The following WIPF2 variants were observed in gnomAD, a reference collection of about 807,000 sequenced individuals.
WIPF2 encodes the protein WAS/WASL-interacting protein family member 2.
WIPF2 carries 23 observed loss-of-function variants against 38.8 expected under a neutral mutation model. That is an observed-to-expected ratio of 0.59 (90% CI 0.43 to 0.84). The LOEUF (loss-of-function observed/expected upper bound fraction) is 0.84, where lower values mean the gene tolerates loss of function less well. Ranked by LOEUF, WIPF2 falls within the 40% of genes least tolerant of loss-of-function variation. The pLI is 0.00. For missense variants in WIPF2, 574 were observed against 580.5 expected, an observed-to-expected ratio of 0.99 and a Z score of 0.11; for synonymous variants, 210 against 223.2, an observed-to-expected ratio of 0.94 and a Z score of 0.53.
intron 1 of WIPF2, among the ~76,000 whole-genome samples, chr17:40,223,643 A>C (rs1209395269): frequency 2.3e-5 from 3 of 132,156 alleles, no homozygotes; most frequent in Non-Finnish European, 4.6e-5. Context: ...TCAGTTGCCC[A>C]GGCTGGAGTG....
chr17:40,224,062 A>G (rs551575453), intron 1 of WIPF2, among the ~76,000 whole-genome samples: 2 of 151,924 alleles, frequency 1.3e-5, no homozygotes, highest in Non-Finnish European at 2.9e-5. Flanking sequence ...AGGCTACAAA[A>G]TATATGTACT....
At position 40,273,847 on chromosome 17, in the gene WIPF2, C is replaced by A. The variant is rs369059320; in HGVS notation, c.1028C>A (p.Pro343Gln). Reference sequence around the variant, plus strand: ...GGTGCCAGGGATGCTCCCCCTCCCCCACCACCATACCGAATGCATGGGTCA... The same window carrying A: ...GGTGCCAGGGATGCTCCCCCTCCCCAACCACCATACCGAATGCATGGGTCA... ...RNGARDAPPPPPPYRMHGSEP... is the reference protein window; with the variant it reads ...RNGARDAPPPQPPYRMHGSEP... Residue 343 changes from proline (P) to glutamine (Q), a missense_variant, in exon 6 of 8, where the codon CCA becomes CAA. Coordinates refer to ENST00000323571, the MANE Select transcript of WIPF2 (RefSeq NM_133264.5). The A allele has an allele frequency of 2.5e-6, 4 of 1,586,740 alleles. No homozygotes were observed. In the African/African-American group the frequency reaches 4.1e-5, roughly 16 times the overall value.
At chr17:40,260,880 T>TGAGCCACCATGCCC in intron 3 of WIPF2, 1 of 622,556 alleles carries the variant, frequency 1.6e-6, no homozygotes, top group Non-Finnish European at 2.8e-6. Flanking sequence ...TCACCGGGCA[T>TGAGCCACCATGCCC]GGTGGCTCAT....
intron 1 of WIPF2, among the ~76,000 whole-genome samples, chr17:40,230,402 C>CT (rs145693710): frequency 3.0e-4 from 44 of 148,960 alleles, no homozygotes; most frequent in East Asian, 1.2e-3. Context: ...TAAAATAGGG[C>CT]TTTTTTTTTT....
chr17:40,246,833 C>T (rs551151242), intron 1 of WIPF2, among the ~76,000 whole-genome samples: 1 of 151,982 alleles, frequency 6.6e-6, no homozygotes, highest in South Asian at 2.1e-4. Flanking sequence ...CATTTGTTGG[C>T]CGGGCGTGGC....
At chr17:40,248,370 T>C (rs548231475) in intron 1 of WIPF2, among the ~76,000 whole-genome samples, 164 of 151,816 alleles carry the variant, frequency 1.1e-3, no homozygotes, top group Middle Eastern at 3.4e-3. Context: ...GGTTCCACCA[T>C]GTTGGCCAGG....
chr17:40,248,553 A>G (rs1483039101), intron 1 of WIPF2, among the ~76,000 whole-genome samples: 1 of 152,198 alleles, frequency 6.6e-6, no homozygotes. Flanking sequence ...CTTCTGCCTC[A>G]GTCTCTCAAA....
chr17:40,250,443 G>T (rs1353312740), intron 1 of WIPF2, among the ~76,000 whole-genome samples: 1 of 148,290 alleles, frequency 6.7e-6, no homozygotes, highest in Non-Finnish European at 1.5e-5. Flanking sequence ...TAGAGACAGG[G>T]TTTCACCGTG....
chr17:40,254,493 C>T (rs2031659600), intron 1 of WIPF2, among the ~76,000 whole-genome samples: 1 of 151,922 alleles, frequency 6.6e-6, no homozygotes, highest in Admixed American at 6.6e-5. Flanking sequence ...CTTAAAATGG[C>T]TTTGTGGGGG....
chr17:40,252,440 G>T (rs769881613), intron 1 of WIPF2, among the ~76,000 whole-genome samples: 2 of 152,218 alleles, frequency 1.3e-5, no homozygotes, highest in Non-Finnish European at 2.9e-5. Context: ...GAGGCGTGAG[G>T]ATCATTTGAG....
chr17:40,264,219 G>C (rs1367136972), intron 4 of WIPF2, among the ~76,000 whole-genome samples: 2 of 148,402 alleles, frequency 1.3e-5, no homozygotes, highest in African/African-American at 5.0e-5. Flanking sequence ...TGTAATCCCA[G>C]CTACTCGGGA....
intron 3 of WIPF2, 104 bp downstream of exon 3, chr17:40,260,771 G>T (rs2031874454): frequency 1.4e-6 from 2 of 1,463,040 alleles, no homozygotes; most frequent in Non-Finnish European, 1.9e-6. Context: ...GGAGAGTTTT[G>T]TCCTGGGATG....
intron 1 of WIPF2, among the ~76,000 whole-genome samples, chr17:40,228,820 G>A (rs750434758): frequency 2.0e-5 from 3 of 151,828 alleles, no homozygotes; most frequent in Non-Finnish European, 4.4e-5. Flanking sequence ...GTCTCACTTT[G>A]TTGCCTAGGC....
rs754011103 is a variant in WIPF2 at position 40,264,812 on chromosome 17, G to T, written c.636G>T (p.Thr212=). ...ACAGAGAGAAACCCTTGCCACCGAC[G>T]CCTGGACAAAGGCTTCACCCTGGTC... ...AYNREKPLPP[T]PGQRLHPGRE... The change falls in exon 5 of 8, where the codon ACG becomes ACT. Residue 212 remains threonine, a synonymous_variant. Transcript: ENST00000323571. The T allele has an allele frequency of 6.2e-7, 1 of 1,611,728 alleles. No homozygotes were observed. Among genetic ancestry groups the T allele is most frequent in the Non-Finnish European group, 8.5e-7 (1 of 1,179,714 alleles).
rs1421162665 is a variant in WIPF2, at chr17:40,264,521, C to T, written c.345C>T (p.Ile115=). Residue 115 remains isoleucine (I), a synonymous_variant, in exon 5 of 8, where the codon ATC becomes ATT. Transcript: ENST00000323571. ...TAGCTGGTAAGCCAGCCCTGCAAATCCCCAGTTCTCGAGCTGCTGCCCCAA... is the reference window on the plus strand; with the variant it reads ...TAGCTGGTAAGCCAGCCCTGCAAATTCCCAGTTCTCGAGCTGCTGCCCCAA... ...ENLAGKPALQ[I]PSSRAAAPRP... is the part of the protein sequence containing the mutation. 3 of 1,614,060 alleles carry T rather than the reference C, an allele frequency of 1.9e-6. No individual in the cohort carries two copies. Among genetic ancestry groups the T allele is most frequent in the East Asian group, 2.2e-5 (1 of 44,882 alleles).
At chr17:40,237,706 C>T (rs143284417) in intron 1 of WIPF2, among the ~76,000 whole-genome samples, 37 of 147,760 alleles carry the variant, frequency 2.5e-4, no homozygotes, top group African/African-American at 7.7e-4. Context: ...AGTGCAGTGG[C>T]GTGATCTCGG....
chr17:40,258,620 T>G (rs550565905), intron 2 of WIPF2, among the ~76,000 whole-genome samples: 1 of 151,518 alleles, frequency 6.6e-6, no homozygotes, highest in African/African-American at 2.4e-5. Flanking sequence ...TGTATGGTGA[T>G]GTTGGGGGTA....
Position 40,265,112 on chromosome 17 carries a change from T to A in WIPF2, c.936T>A (p.Pro312=). The A allele has an allele frequency of 6.2e-7, 1 of 1,612,426 alleles. No individual in the cohort carries two copies. The highest frequency in any genetic ancestry group is 8.5e-7 in the Non-Finnish European group (1 of 1,179,160). ...ASPSLLSNRP[P]PPARDPPSRG... is the part of the protein sequence containing the mutation. ...CATCTTTACTGAGTAATAGGCCACC[T>A]CCCCCAGCCCGAGACCCTCCCAGTC... The change falls in exon 5 of 8, where the codon CCT becomes CCA. Residue 312 remains proline, a synonymous_variant. Coordinates refer to ENST00000323571, the MANE Select transcript of WIPF2 (RefSeq NM_133264.5).
Position 40,262,625 on chromosome 17 carries a change from A to G in WIPF2, c.297A>G (p.Gly99=), listed in dbSNP as rs565623956. Reference sequence around the variant, plus strand: ...GAGTGCTGAAGCTTCGACCTGTGGGAGCCAAGGATGGTTCAGGTATCTGAT... The same window carrying G: ...GAGTGCTGAAGCTTCGACCTGTGGGGGCCAAGGATGGTTCAGGTATCTGAT... ...QGGVLKLRPV[G]AKDGSENLAG... The change falls in exon 4 of 8, where the codon GGA becomes GGG. Residue 99 remains glycine, a synonymous_variant. Transcript: ENST00000323571. 2.9e-5 allele frequency: 46 copies of G among 1,613,776 alleles called. No homozygotes were observed. The South Asian group carries it at 4.8e-4, about 17-fold the overall frequency.
Sources: allele counts gnomAD v4.1 joint callset (sites outside exome capture counted in the v4.1 genomes callset), GRCh38; gene constraint gnomAD v4.1.1; transcripts MANE v1.5; gene names NCBI Gene and HGNC (gene_info 2026-07-23, HGNC 2026-07-21).